The following ITGA4 variants were observed in gnomAD, a reference collection of about 807,000 sequenced individuals.
The protein encoded by ITGA4 is integrin alpha-4.
A neutral mutation model predicts 133.6 loss-of-function variants in ITGA4; 63 were observed. The ratio of observed to expected loss-of-function variants is 0.47; its 90% confidence interval spans 0.38 to 0.58. The LOEUF is 0.58. ITGA4 is among the 20% of genes least tolerant of loss of function. The pLI, the probability that ITGA4 is intolerant of heterozygous loss-of-function variation, is 0.00. For synonymous variants in ITGA4, 483 were observed against 438.0 expected, an observed-to-expected ratio of 1.10 and a Z score of -1.28; for missense variants, 1,076 against 1,252.7, an observed-to-expected ratio of 0.86 and a Z score of 2.13.
chr2:181,492,249 G>A (rs533461467), intron 10 of ITGA4, among the ~76,000 whole-genome samples: 3 of 151,118 alleles, frequency 2.0e-5, no homozygotes, highest in South Asian at 4.2e-4. Flanking sequence ...GCCTTTGTAT[G>A]TCTAAACAAA....
At chr2:181,458,173 C>T in intron 1 of ITGA4, 23 bp from the exon 2 acceptor site, 1 of 1,613,884 alleles carries the variant, frequency 6.2e-7, no homozygotes, top group Non-Finnish European at 8.5e-7. Flanking sequence ...CGTCTGAGCG[C>T]ACGTGCACGT....
chr2:181,474,901 T>C (rs1484273409), intron 2 of ITGA4, 59 bp from the exon 3 acceptor site: 3 of 1,322,300 alleles, frequency 2.3e-6, no homozygotes, highest in Non-Finnish European at 3.2e-6. Flanking sequence ...TGCACAGTTT[T>C]CTCTTCTTTT....
intron 6 of ITGA4, among the ~76,000 whole-genome samples, chr2:181,481,300 C>G (rs1021842901): frequency 2.6e-5 from 4 of 152,084 alleles, no homozygotes; most frequent in Admixed American, 6.6e-5. Context: ...TTAATATACT[C>G]TAAAATATGT....
chr2:181,537,637 C>T lies in ITGA4; in HGVS notation c.*2110C>T. On this transcript the variant is annotated 3_prime_UTR_variant, in exon 28 of 28. Coordinates refer to ENST00000397033, the MANE Select transcript of ITGA4 (RefSeq NM_000885.6). Reference sequence around the variant, plus strand: ...TTAACATAATTGATGAGCTCAAATCCTGAAAAATGAAAGAATCCAAATTAT... The same window carrying T: ...TTAACATAATTGATGAGCTCAAATCTTGAAAAATGAAAGAATCCAAATTAT... The T allele has an allele frequency of 2.3e-6, 1 of 434,750 alleles. No individual in the cohort carries two copies. Among genetic ancestry groups the T allele is most frequent in the Non-Finnish European group, 4.5e-6 (1 of 220,540 alleles). 26.9% of individuals were successfully genotyped at this position (434,750 alleles called of 1,614,324 possible).
At position 181,535,494 on chromosome 2, in the gene ITGA4, G is replaced by C. The variant is rs1687048179; in HGVS notation, c.3066G>C (p.Trp1022Cys). The change falls in exon 28 of 28, where the codon TGG (tryptophan) becomes TGC (cysteine). Residue 1022 changes from tryptophan to cysteine, a missense_variant. Around this residue, in one of 4 missense-constraint regions of ITGA4, gnomAD observed 193 missense variants for 172.3 expected, o/e 1.12. Transcript: ENST00000397033. ...AAGAAGAAAACAGAAGAGACAGTTGGAGTTATATCAACAGTAAAAGCAATG... is the reference window on the plus strand; with the variant it reads ...AAGAAGAAAACAGAAGAGACAGTTGCAGTTATATCAACAGTAAAAGCAATG... Reference protein sequence around the residue: ...ILQEENRRDSWSYINSKSNDD With the variant: ...ILQEENRRDSCSYINSKSNDD 14 of 1,609,586 alleles carry C rather than the reference G, an allele frequency of 8.7e-6. No individual in the cohort carries two copies. The highest frequency in any genetic ancestry group is 1.2e-5 in the Non-Finnish European group (14 of 1,177,676).
chr2:181,512,517 T>A (rs1239454377), intron 17 of ITGA4, among the ~76,000 whole-genome samples: 1 of 151,990 alleles, frequency 6.6e-6, no homozygotes, highest in Non-Finnish European at 1.5e-5. Context: ...AGATCAAATC[T>A]TGGAGGACAG....
rs564721836 is a variant in ITGA4, at chr2:181,523,379, T to C, written c.2074-58T>C. 2 of 979,568 alleles carry C rather than the reference T, an allele frequency of 2.0e-6. No individual in the cohort carries two copies. The highest frequency in any genetic ancestry group is 1.8e-5 in the Admixed American group (1 of 56,780). The allele number at this position is 979,568 out of a possible 1,614,324, so 60.7% of individuals were successfully genotyped here. On this transcript the variant is annotated intron_variant, in intron 18 of 27. Coordinates refer to ENST00000397033, the MANE Select transcript of ITGA4 (RefSeq NM_000885.6). This position sits in a 1 kb window ranked among gnomAD's most constrained non-coding sequence, Gnocchi z 4.2. ...TTTTCAATAACCATCCTTAAACATA[T>C]GTTACAAACTTTTTATTTCCTTCCT...
At chr2:181,459,273 T>C (rs896259352) in intron 2 of ITGA4, 2 of 151,372 alleles carry the variant, frequency 1.3e-5, no homozygotes, top group Non-Finnish European at 2.9e-5. Context: ...GTCTAAGCCA[T>C]TTTCTTCCAT....
intron 17 of ITGA4, among the ~76,000 whole-genome samples, chr2:181,513,172 C>T (rs1409916413): frequency 2.0e-5 from 3 of 152,016 alleles, no homozygotes; most frequent in Non-Finnish European, 4.4e-5. Context: ...TCCCTCAGCC[C>T]TTTCTCTCAC....
intron 5 of ITGA4, 113 bp from the exon 6 acceptor site, chr2:181,480,024 A>G (rs1685768253): frequency 1.6e-6 from 1 of 619,670 alleles, no homozygotes; most frequent in Non-Finnish European, 2.5e-6. Flanking sequence ...GAATATTCCT[A>G]CTTCAGGAAT....
intron 2 of ITGA4, among the ~76,000 whole-genome samples, chr2:181,463,333 TTG>T (rs1685333030): frequency 6.6e-6 from 1 of 152,106 alleles, no homozygotes; most frequent in African/African-American, 2.4e-5. Flanking sequence ...ATGATCAGAT[TTG>T]TGTGTTTGAC....
At chr2:181,462,084 GTAT>G (rs1412313773) in intron 2 of ITGA4, among the ~76,000 whole-genome samples, 1 of 152,038 alleles carries the variant, frequency 6.6e-6, no homozygotes, top group Non-Finnish European at 1.5e-5. Context: ...CAATGGGCTT[GTAT>G]TATATTTCTA....
At chr2:181,478,933 A>G (rs1685741897) in intron 5 of ITGA4, 109 bp downstream of exon 5, 2 of 508,542 alleles carry the variant, frequency 3.9e-6, no homozygotes, top group South Asian at 5.7e-5. Flanking sequence ...TAACATCTTC[A>G]TCATGTCTCT....
rs904738975 is a variant in ITGA4 at position 181,523,154 on chromosome 2, A to C, written c.2074-283A>C. 6.6e-6 allele frequency among the ~76,000 whole-genome samples: 1 copy of C among 152,022 alleles called. No individual in the cohort carries two copies. The highest frequency in any genetic ancestry group is 2.4e-5 in the African/African-American group (1 of 41,400). ...AGAATCTGTTTGAATACTAGAGTAC[A>C]CACATATATGTATATACACACACAC... On this transcript the variant is annotated intron_variant, in intron 18 of 27. Coordinates refer to ENST00000397033, the MANE Select transcript of ITGA4 (RefSeq NM_000885.6). This position sits in a 1 kb window ranked among gnomAD's most constrained non-coding sequence, Gnocchi z 4.2.
intron 15 of ITGA4, among the ~76,000 whole-genome samples, chr2:181,508,758 C>T (rs6748313): frequency 0.011 from 1,707 of 151,824 alleles, 28 homozygotes; most frequent in African/African-American, 0.039. Context: ...ATCAGTGAAG[C>T]GACCAGTGTA....
intron 20 of ITGA4, among the ~76,000 whole-genome samples, chr2:181,524,519 T>A (rs1166892664): frequency 6.6e-6 from 1 of 152,172 alleles, no homozygotes; most frequent in African/African-American, 2.4e-5. Flanking sequence ...AAAAACAGAA[T>A]AAACAGTTTA....
chr2:181,502,763 G>A (rs1347919152), intron 15 of ITGA4, among the ~76,000 whole-genome samples: 2 of 152,162 alleles, frequency 1.3e-5, no homozygotes, highest in East Asian at 3.9e-4. Context: ...ATGGTGTTTG[G>A]GACCACTTGC....
At chr2:181,475,423 CAATTT>C (rs1024403590) in intron 4 of ITGA4, 135 bp downstream of exon 4, 11 of 695,184 alleles carry the variant, frequency 1.6e-5, no homozygotes, top group African/African-American at 3.6e-5. Context: ...TTTAACTACT[CAATTT>C]CTTTCTTTAC....
At chr2:181,486,108 C>A in intron 10 of ITGA4, 116 bp downstream of exon 10, 1 of 1,363,008 alleles carries the variant, frequency 7.3e-7, no homozygotes, top group Non-Finnish European at 9.7e-7. Context: ...GCCAGAATGG[C>A]ATGCTAAGTT....
Sources: gnomAD v4.1 joint callset for allele counts (sites outside exome capture counted in the v4.1 genomes callset) on GRCh38, gnomAD v4.1.1 for gene constraint, gnomAD v4.1.1 regional missense constraint, Gnocchi (gnomAD v3.1) non-coding constraint, MANE v1.5 for transcripts, NCBI Gene and HGNC (gene_info 2026-07-23, HGNC 2026-07-21) for gene names.